Variants in SLC47A2 observed in about 807,000 individuals in gnomAD.
SLC47A2 encodes the protein multidrug and toxin extrusion protein 2.
SLC47A2 carries 52 observed loss-of-function variants against 67.7 expected under a neutral mutation model. The observed-to-expected ratio is 0.77, with a 90% CI of 0.61 to 0.97. The LOEUF (loss-of-function observed/expected upper bound fraction) is 0.97, where lower values mean the gene tolerates loss of function less well. Among genes scored for constraint, SLC47A2 ranks in the 50% least tolerant of loss-of-function variants. The probability of loss-of-function intolerance (pLI) is 0.00; values close to 1 mark genes in which losing one functional copy is unlikely to be tolerated. For synonymous variants in SLC47A2, 278 were observed against 292.9 expected, an observed-to-expected ratio of 0.95 and a Z score of 0.52; for missense variants, 676 against 712.3, an observed-to-expected ratio of 0.95 and a Z score of 0.58.
chr17:19,689,734 A>G (rs190386470), intron 13 of SLC47A2, among the ~76,000 whole-genome samples: 4 of 152,066 alleles, frequency 2.6e-5, no homozygotes, highest in African/African-American at 9.6e-5. Flanking sequence ...AATGATCCCT[A>G]CAATGAAAAC....
intron 3 of SLC47A2, chr17:19,714,404 T>G: frequency 2.1e-6 from 1 of 486,404 alleles, no homozygotes; most frequent in Admixed American, 3.3e-5. Context: ...CATGCCTGCA[T>G]GTAGGCAGCC....
chr17:19,702,742 T>C, intron 12 of SLC47A2, 68 bp from the exon 13 acceptor site: 1 of 1,515,288 alleles, frequency 6.6e-7, no homozygotes, highest in Non-Finnish European at 9.1e-7. Flanking sequence ...ATCCCTTCTA[T>C]TCCACACCCC....
chr17:19,692,152 C>T (rs767110911), intron 13 of SLC47A2: 22 of 344,870 alleles, frequency 6.4e-5, no homozygotes, highest in Non-Finnish European at 1.2e-4. Flanking sequence ...CGCTTGAACT[C>T]GGAAGGCAGA....
intron 4 of SLC47A2, among the ~76,000 whole-genome samples, chr17:19,713,103 C>G (rs2043405959): frequency 6.6e-6 from 1 of 152,134 alleles, no homozygotes; most frequent in South Asian, 2.1e-4. Flanking sequence ...TAATAATAAA[C>G]TATAGGCCGG....
intron 3 of SLC47A2, 71 bp from the exon 4 acceptor site, chr17:19,714,044 G>A: frequency 1.9e-6 from 3 of 1,540,586 alleles, no homozygotes; most frequent in South Asian, 1.2e-5. Context: ...CGCGGGGAGC[G>A]GGCTGTCAGC....
In SLC47A2 at chr17:19,703,073, C is replaced by T; in HGVS notation, c.1094+19G>A. 6.2e-7 allele frequency: 1 copy of T among 1,611,782 alleles called. No individual in the cohort carries two copies. Among genetic ancestry groups the T allele is most frequent in the Non-Finnish European group, 8.5e-7 (1 of 1,177,880 alleles). On this transcript the variant is annotated intron_variant, in intron 12 of 16. Transcript: ENST00000433844. ...CTTTGACATTTTCCAAGAGTCAGCA[C>T]AGAAAACTGATTACCTACTCATCAT...
intron 9 of SLC47A2, among the ~76,000 whole-genome samples, chr17:19,705,718 G>GC (rs1567629740): frequency 6.6e-6 from 1 of 151,866 alleles, no homozygotes; most frequent in East Asian, 1.9e-4. Context: ...CCCACCTCAG[G>GC]CCCCCAAGTA....
intron 8 of SLC47A2, 51 bp downstream of exon 8, chr17:19,707,695 C>T: frequency 6.7e-7 from 1 of 1,502,318 alleles, no homozygotes; most frequent in Admixed American, 2.0e-5. Flanking sequence ...AAGGCTAGGG[C>T]AGCACCACCG....
intron 13 of SLC47A2, 46 bp from the exon 14 acceptor site, chr17:19,681,716 A>G: frequency 6.3e-7 from 1 of 1,580,038 alleles, no homozygotes; most frequent in Non-Finnish European, 8.6e-7. Context: ...TGATGAGACT[A>G]AGAGCAGGTG....
intron 13 of SLC47A2, among the ~76,000 whole-genome samples, chr17:19,689,425 G>T (rs778978674): frequency 6.6e-6 from 1 of 152,100 alleles, no homozygotes; most frequent in Non-Finnish European, 1.5e-5. Context: ...GGCCAGGCAC[G>T]CTGGCTTATG....
chr17:19,717,006 C>CGAAGT (rs1405661711), upstream of SLC47A2: 1 of 158,834 alleles, frequency 6.3e-6, no homozygotes, highest in Non-Finnish European at 1.4e-5. Flanking sequence ...GTGGCCTGCC[C>CGAAGT]GAAGTCACAG....
intron 13 of SLC47A2, among the ~76,000 whole-genome samples, chr17:19,688,828 G>T (rs1001370274): frequency 6.6e-6 from 1 of 151,398 alleles, no homozygotes; most frequent in Non-Finnish European, 1.5e-5. Context: ...AAAATGCTGG[G>T]ATTACAGGCG....
rs1031968035 is a variant in SLC47A2 at position 19,703,086 on chromosome 17, A to G, written c.1094+6T>C. The G allele has an allele frequency of 1.2e-6, 2 of 1,613,508 alleles. No homozygotes were observed. The highest frequency in any genetic ancestry group is 2.7e-5 in the African/African-American group (2 of 75,034). On this transcript the variant is annotated splice_donor_region_variant and intron_variant, in intron 12 of 16. Coordinates refer to ENST00000433844, the MANE Select transcript of SLC47A2 (RefSeq NM_001099646.3). The stretch of plus-strand genomic sequence containing the variant: ...CAAGAGTCAGCACAGAAAACTGATT[A>G]CCTACTCATCATTGGTAAAAATATG...
At chr17:19,692,135 G>A (rs775426414) in intron 13 of SLC47A2, 14 of 337,238 alleles carry the variant, frequency 4.2e-5, no homozygotes, top group Middle Eastern at 2.1e-3. Flanking sequence ...GGCTGACGCA[G>A]GAGAATCGCT....
Position 19,678,835 on chromosome 17 carries a change from TGAA to T in SLC47A2, c.1549_1551del (p.Phe517del). On this transcript the variant is annotated inframe_deletion, in exon 17 of 17. Coordinates refer to ENST00000433844, the MANE Select transcript of SLC47A2 (RefSeq NM_001099646.3). Reference sequence around the variant, plus strand: ...AGGGCGTGGGCCTCCTCTGGAGTCCTGAAGAAGTCCACGTGGCACTCAGACCTT... The same window carrying T: ...AGGGCGTGGGCCTCCTCTGGAGTCCTGAAGTCCACGTGGCACTCAGACCTT... 6.2e-7 allele frequency: 1 copy of T among 1,613,212 alleles called. No homozygotes were observed.
intron 13 of SLC47A2, among the ~76,000 whole-genome samples, chr17:19,698,964 T>A (rs367973444): frequency 1.3e-5 from 2 of 152,212 alleles, no homozygotes; most frequent in African/African-American, 4.8e-5. Flanking sequence ...TGGGCATAGG[T>A]TATAGGCAAA....
Position 19,714,664 on chromosome 17 carries a change from T to C in SLC47A2, c.294+57A>G, listed in dbSNP as rs2086200560. The stretch of plus-strand genomic sequence containing the variant: ...TCCCACCTGCCATCTCCATGGCACC[T>C]GTGGAATTGGCTCTGCCCTTGCCTG... On this transcript the variant is annotated intron_variant, in intron 3 of 16. Transcript: ENST00000433844. The C allele has an allele frequency of 1.4e-5, 22 of 1,599,574 alleles. 1 individual carries two copies.
chr17:19,699,458 A>G (rs1246067413), intron 13 of SLC47A2, among the ~76,000 whole-genome samples: 1 of 151,858 alleles, frequency 6.6e-6, no homozygotes, highest in East Asian at 1.9e-4. Context: ...ATAGCTGACT[A>G]TAGCCTTGGA....
At chr17:19,709,313 G>T (rs1287134611) in intron 5 of SLC47A2, among the ~76,000 whole-genome samples, 2 of 152,202 alleles carry the variant, frequency 1.3e-5, no homozygotes, top group Non-Finnish European at 2.9e-5. Context: ...GTACGTGGCA[G>T]TGTGTGTGTT....
Sources: gnomAD v4.1 joint callset for allele counts (sites outside exome capture counted in the v4.1 genomes callset) on GRCh38, gnomAD v4.1.1 for gene constraint, MANE v1.5 for transcripts, NCBI Gene and HGNC (gene_info 2026-07-23, HGNC 2026-07-21) for gene names.